Variants in CSMD1 observed in about 807,000 individuals in gnomAD.
CSMD1 encodes CUB and sushi domain-containing protein 1.
In CSMD1, 213 loss-of-function variants were observed where a neutral mutation model predicts 417.5. The observed-to-expected ratio is 0.51, with a 90% CI of 0.46 to 0.57. CSMD1 has a LOEUF of 0.57. Among genes scored for constraint, CSMD1 ranks in the 20% least tolerant of loss-of-function variants. The pLI is 0.00. For missense variants in CSMD1, 6,923 were observed against 4,529.7 expected, an observed-to-expected ratio of 1.53 and a Z score of -15.17; for synonymous variants, 2,862 against 1,736.8, an observed-to-expected ratio of 1.65 and a Z score of -16.11.
chr8:3,980,741 A>C (rs1813796312), intron 5 of CSMD1, among the ~76,000 whole-genome samples: 1 of 152,284 alleles, frequency 6.6e-6, no homozygotes, highest in South Asian at 2.1e-4. Context: ...CACCCTTCTG[A>C]ATTCCTGAAT....
At chr8:4,251,861 G>T (rs151091488) in intron 3 of CSMD1, among the ~76,000 whole-genome samples, 1 of 145,096 alleles carries the variant, frequency 6.9e-6, no homozygotes, top group African/African-American at 2.5e-5. Context: ...AGAGATGGAG[G>T]AGAGAGAGGG....
intron 1 of CSMD1, among the ~76,000 whole-genome samples, chr8:4,825,390 A>C (rs1799766687): frequency 6.6e-6 from 1 of 152,104 alleles, no homozygotes; most frequent in Non-Finnish European, 1.5e-5. Flanking sequence ...CCAGTTATTC[A>C]GCATATAATG....
chr8:4,341,542 T>C (rs1266436167), intron 3 of CSMD1, among the ~76,000 whole-genome samples: 1 of 152,122 alleles, frequency 6.6e-6, no homozygotes, highest in Non-Finnish European at 1.5e-5. Flanking sequence ...ATGGAAACAT[T>C]ATTTTTCCTA....
intron 29 of CSMD1, 50 bp from the exon 30 acceptor site, chr8:3,214,741 G>C: frequency 6.9e-7 from 1 of 1,443,600 alleles, no homozygotes; most frequent in Non-Finnish European, 9.3e-7. Context: ...TCTTATTCTT[G>C]TTTGTGTTTT....
Position 4,303,420 on chromosome 8 carries a change from CTGTTTTTTT to C in CSMD1, c.415+116524_415+116532del, listed in dbSNP as rs1453145329. 6.3e-3 allele frequency among the ~76,000 whole-genome samples: 577 copies of C among 92,102 alleles called. 12 individuals carry two copies. Among genetic ancestry groups the C allele is most frequent in the South Asian group, 0.016 (43 of 2,682 alleles). 60.4% of individuals were successfully genotyped at this position (92,102 alleles called of 152,430 possible). A position where few individuals can be genotyped will look rare whatever the true frequency, so the allele number is the denominator to read the frequency against. On this transcript the variant is annotated intron_variant, in intron 3 of 69. Transcript: ENST00000635120. The stretch of plus-strand genomic sequence containing the variant: ...TCTCATTTATATATTGGGCAGGAAG[CTGTTTTTTT>C]TTTTTTTTTTTTTTTTTTTTTTTTT...
chr8:4,903,588 ATGTCAAC>A (rs1235433172), intron 1 of CSMD1, among the ~76,000 whole-genome samples: 3 of 152,244 alleles, frequency 2.0e-5, no homozygotes, highest in African/African-American at 7.2e-5. Flanking sequence ...ATACCTGTAA[ATGTCAAC>A]TTGTTACATG....
At position 4,260,709 on chromosome 8, in the gene CSMD1, T is replaced by G. The variant is rs1417125433; in HGVS notation, c.415+159244A>C. On this transcript the variant is annotated intron_variant, in intron 3 of 69. Coordinates refer to ENST00000635120, the MANE Select transcript of CSMD1 (RefSeq NM_033225.6). ...ATCCAAAATTCCCATGTCGTTGGTT[T>G]ATTAATATCTTCTTATAATATTATC... Among the ~76,000 whole-genome samples the G allele has an allele frequency of 2.0e-5, 3 of 152,222 alleles. No homozygotes were observed. In the East Asian group the frequency reaches 5.8e-4, roughly 29 times the overall value.
chr8:3,046,783 T>A (rs1032688009), intron 50 of CSMD1, among the ~76,000 whole-genome samples: 2 of 152,232 alleles, frequency 1.3e-5, no homozygotes, highest in Non-Finnish European at 2.9e-5. Context: ...ATCTGTGTGC[T>A]CACATATGGC....
intron 3 of CSMD1, among the ~76,000 whole-genome samples, chr8:4,192,304 C>T (rs1210551736): frequency 1.3e-5 from 2 of 152,156 alleles, no homozygotes; most frequent in Non-Finnish European, 2.9e-5. Context: ...ATAAAGTATG[C>T]AATTACATTG....
chr8:3,082,080 T>C (rs1814143363), intron 49 of CSMD1, among the ~76,000 whole-genome samples: 1 of 152,220 alleles, frequency 6.6e-6, no homozygotes, highest in African/African-American at 2.4e-5. Context: ...CGAGAGACTG[T>C]GGACTCTGTT....
intron 9 of CSMD1, among the ~76,000 whole-genome samples, chr8:3,583,331 G>C (rs1006464888): frequency 6.6e-6 from 1 of 151,962 alleles, no homozygotes; most frequent in African/African-American, 2.4e-5. Context: ...GTGGGTCAGA[G>C]CTGCATGGTT....
chr8:4,805,180 G>C (rs1798518622), intron 1 of CSMD1, among the ~76,000 whole-genome samples: 1 of 152,124 alleles, frequency 6.6e-6, no homozygotes, highest in Non-Finnish European at 1.5e-5. Flanking sequence ...TTACTCGTTT[G>C]TATAGAGAGA....
At position 3,411,461 on chromosome 8, in the gene CSMD1, G is replaced by A. The variant is rs538157660; in HGVS notation, c.1562-1856C>T. Among the ~76,000 whole-genome samples the A allele has an allele frequency of 4.0e-5, 6 of 151,500 alleles. No homozygotes were observed. In the East Asian group the frequency reaches 6.0e-4, roughly 15 times the overall value. ...CTCATCCCCTTCACACCCTTTCCCCGAGTCCCCAAGGTCCATTTTATCATT... is the reference window on the plus strand; with the variant it reads ...CTCATCCCCTTCACACCCTTTCCCCAAGTCCCCAAGGTCCATTTTATCATT... On this transcript the variant is annotated intron_variant, in intron 12 of 69. Coordinates refer to ENST00000635120, the MANE Select transcript of CSMD1 (RefSeq NM_033225.6).
At chr8:3,208,825 G>C (rs1797444394) in intron 30 of CSMD1, among the ~76,000 whole-genome samples, 1 of 152,134 alleles carries the variant, frequency 6.6e-6, no homozygotes, top group Non-Finnish European at 1.5e-5. Context: ...TGTGCTGGAT[G>C]CTTCTTGCCC....
At chr8:4,251,548 T>C (rs528859942) in intron 3 of CSMD1, among the ~76,000 whole-genome samples, 1 of 152,290 alleles carries the variant, frequency 6.6e-6, no homozygotes, top group Admixed American at 6.5e-5. Context: ...CTAAGCAATT[T>C]AATCAGGGCA....
intron 2 of CSMD1, among the ~76,000 whole-genome samples, chr8:4,458,139 T>C (rs1799597969): frequency 6.6e-6 from 1 of 152,196 alleles, no homozygotes; most frequent in South Asian, 2.1e-4. Flanking sequence ...AATTACTTTA[T>C]GGTTTTGCTG....
chr8:3,105,828 T>C (rs532694567), intron 46 of CSMD1, among the ~76,000 whole-genome samples: 2 of 152,344 alleles, frequency 1.3e-5, no homozygotes, highest in South Asian at 2.1e-4. Flanking sequence ...GCTAGAAAGA[T>C]AACAGATAGG....
chr8:4,278,955 A>C (rs917642980), intron 3 of CSMD1, among the ~76,000 whole-genome samples: 1 of 152,226 alleles, frequency 6.6e-6, no homozygotes, highest in African/African-American at 2.4e-5. Flanking sequence ...CTGTATTAAC[A>C]TTATGTCCAT....
intron 3 of CSMD1, among the ~76,000 whole-genome samples, chr8:4,182,749 T>G (rs1469970604): frequency 6.6e-6 from 1 of 152,138 alleles, no homozygotes; most frequent in East Asian, 1.9e-4. Flanking sequence ...AACATCATTT[T>G]TTTTTCTCAC....
Sources: allele counts gnomAD v4.1 joint callset (sites outside exome capture counted in the v4.1 genomes callset), GRCh38; gene constraint gnomAD v4.1.1; transcripts MANE v1.5; gene names NCBI Gene and HGNC (gene_info 2026-07-23, HGNC 2026-07-21).